The following ITGA8 variants were observed in gnomAD, a reference collection of about 807,000 sequenced individuals.
ITGA8 encodes the protein integrin subunit alpha 8.
ITGA8 carries 91 observed loss-of-function variants against 142.3 expected under a neutral mutation model. The ratio of observed to expected loss-of-function variants is 0.64; its 90% CI spans 0.54 to 0.76. The LOEUF is 0.76. Among genes scored for constraint, ITGA8 ranks in the 30% least tolerant of loss-of-function variants. ITGA8 has a pLI of 0.00. For missense variants in ITGA8, 1,406 were observed against 1,327.7 expected (o/e 1.06, Z -0.92); for synonymous variants, 505 against 485.2 (o/e 1.04, Z -0.54).
At chr10:15,567,702 C>T (rs923339825) in intron 25 of ITGA8, among the ~76,000 whole-genome samples, 1 of 152,158 alleles carries the variant, frequency 6.6e-6, no homozygotes, top group Non-Finnish European at 1.5e-5. Context: ...CCTCAAGGCA[C>T]TTCCATGCCC....
chr10:15,678,931 G>T, intron 4 of ITGA8, 148 bp from the exon 5 acceptor site: 1 of 498,756 alleles, frequency 2.0e-6, no homozygotes, highest in South Asian at 4.1e-5. Flanking sequence ...TTAAAATGTT[G>T]TTCAAGTAAT....
chr10:15,589,246 A>G (rs1043230407), intron 22 of ITGA8, among the ~76,000 whole-genome samples: 9 of 152,120 alleles, frequency 5.9e-5, no homozygotes, highest in Non-Finnish European at 1.3e-4. Flanking sequence ...TATTTCCTGC[A>G]TTCTAACATT....
intron 22 of ITGA8, among the ~76,000 whole-genome samples, chr10:15,591,363 A>G (rs2131595924): frequency 6.7e-6 from 1 of 150,018 alleles, no homozygotes; most frequent in Middle Eastern, 3.5e-3. Flanking sequence ...TACTACACAT[A>G]TTTATACTTA....
intron 2 of ITGA8, among the ~76,000 whole-genome samples, chr10:15,693,300 A>T (rs1834968370): frequency 2.6e-5 from 4 of 152,208 alleles, no homozygotes; most frequent in African/African-American, 9.6e-5. Flanking sequence ...ACATTACAAA[A>T]TAAACTTTTT....
intron 14 of ITGA8, among the ~76,000 whole-genome samples, chr10:15,614,405 G>C (rs1833357002): frequency 6.6e-6 from 1 of 152,046 alleles, no homozygotes; most frequent in South Asian, 2.1e-4. Context: ...TCTATGCCCA[G>C]GCCCTGCCAC....
At chr10:15,708,365 G>T (rs1037906505) in intron 2 of ITGA8, among the ~76,000 whole-genome samples, 1 of 152,146 alleles carries the variant, frequency 6.6e-6, no homozygotes, top group Non-Finnish European at 1.5e-5. Context: ...CACAGGAATA[G>T]AGAAATGAAA....
chr10:15,688,099 T>A, intron 2 of ITGA8, 61 bp from the exon 3 acceptor site: 1 of 1,096,362 alleles, frequency 9.1e-7, no homozygotes, highest in Non-Finnish European at 1.4e-6. Context: ...TTAAAACACA[T>A]AATAAATTTG....
intron 29 of ITGA8, among the ~76,000 whole-genome samples, chr10:15,517,954 G>T (rs1832993954): frequency 6.6e-6 from 1 of 152,226 alleles, no homozygotes. Flanking sequence ...CCTGTCAGCT[G>T]CTTTGGGGTG....
intron 2 of ITGA8, among the ~76,000 whole-genome samples, chr10:15,689,354 GT>G (rs1834890592): frequency 6.6e-6 from 1 of 152,172 alleles, no homozygotes; most frequent in African/African-American, 2.4e-5. Context: ...CAAAAACCCT[GT>G]GAGAATAGAA....
At chr10:15,525,760 T>A (rs1833161952) in intron 28 of ITGA8, among the ~76,000 whole-genome samples, 1 of 151,922 alleles carries the variant, frequency 6.6e-6, no homozygotes, top group African/African-American at 2.4e-5. Flanking sequence ...AAAAGTATTA[T>A]CCTTTCAACA....
intron 8 of ITGA8, among the ~76,000 whole-genome samples, chr10:15,670,762 A>G (rs529887270): frequency 6.6e-6 from 1 of 152,104 alleles, no homozygotes; most frequent in Non-Finnish European, 1.5e-5. Flanking sequence ...TCTCCCCTGC[A>G]CGTTGAATAG....
chr10:15,665,982 A>G (rs1342005514), intron 8 of ITGA8, among the ~76,000 whole-genome samples: 1 of 152,168 alleles, frequency 6.6e-6, no homozygotes, highest in East Asian at 1.9e-4. Flanking sequence ...TTGGTTTAGG[A>G]TTGACTTGGC....
intron 25 of ITGA8, among the ~76,000 whole-genome samples, chr10:15,571,291 G>A (rs1161072608): frequency 6.6e-6 from 1 of 152,180 alleles, no homozygotes; most frequent in Non-Finnish European, 1.5e-5. Context: ...CTCTGTCTTG[G>A]CTGGTGGCGT....
intron 11 of ITGA8, among the ~76,000 whole-genome samples, chr10:15,653,397 G>A (rs906063086): frequency 1.3e-5 from 2 of 152,132 alleles, no homozygotes; most frequent in African/African-American, 4.8e-5. Flanking sequence ...AATTTGAGCA[G>A]AAAGTACAGA....
At position 15,719,612 on chromosome 10, in the gene ITGA8, C is replaced by A. The variant is rs753459604; in HGVS notation, c.160G>T (p.Gly54Cys). Residue 54 changes from glycine to cysteine, a missense_variant, in exon 1 of 30, where the codon GGC becomes TGC. Coordinates refer to ENST00000378076, the MANE Select transcript of ITGA8 (RefSeq NM_003638.3). Reference sequence around the variant, plus strand: ...TCCACGGCGTAGCCGAAGTAGCTGCCCTTGGGGCCGCTGTACACTGTGAGC... The same window carrying A: ...TCCACGGCGTAGCCGAAGTAGCTGCACTTGGGGCCGCTGTACACTGTGAGC... The part of the protein sequence containing the change: ...EKLTVYSGPK[G>C]SYFGYAVDFH... 1.9e-5 allele frequency: 29 copies of A among 1,561,976 alleles called. 2 individuals are homozygous for A. In the South Asian group the frequency reaches 3.0e-4, roughly 16 times the overall value.
At position 15,678,572 on chromosome 10, in the gene ITGA8, A is replaced by G. The variant is rs559047175; in HGVS notation, c.630+150T>C. 29 of 496,304 alleles carry G rather than the reference A, an allele frequency of 5.8e-5. 1 individual carries two copies. In the South Asian group the frequency reaches 1.3e-3, roughly 22 times the overall value. The allele number at this position is 496,304 out of a possible 1,614,324, so 30.7% of individuals were successfully genotyped here. A position where few individuals can be genotyped will look rare whatever the true frequency, so the allele number is the denominator to read the frequency against. On this transcript the variant is annotated intron_variant, in intron 5 of 29. Transcript: ENST00000378076. ...AAAAAGTGAATGGAAAAATTTTTTT[A>G]GAAAGCATTTGCCCAAACAGGCTAG...
chr10:15,614,177 G>C (rs1441277855), intron 14 of ITGA8, among the ~76,000 whole-genome samples: 1 of 152,118 alleles, frequency 6.6e-6, no homozygotes, highest in Non-Finnish European at 1.5e-5. Context: ...CTTGAAGTTT[G>C]CAACTTTTCA....
At chr10:15,623,386 A>T (rs922676894) in intron 13 of ITGA8, among the ~76,000 whole-genome samples, 4 of 151,960 alleles carry the variant, frequency 2.6e-5, no homozygotes, top group African/African-American at 9.7e-5. Context: ...TTAAGCCTTT[A>T]AAAAAAATTA....
intron 6 of ITGA8, among the ~76,000 whole-genome samples, chr10:15,673,024 A>G (rs946214661): frequency 2.6e-5 from 4 of 152,162 alleles, no homozygotes; most frequent in Admixed American, 1.3e-4. Context: ...AGTATCCAAG[A>G]GTGGAGGCCA....
Sources: allele counts gnomAD v4.1 joint callset (sites outside exome capture counted in the v4.1 genomes callset), GRCh38; gene constraint gnomAD v4.1.1; transcripts MANE v1.5; gene names NCBI Gene and HGNC (gene_info 2026-07-23, HGNC 2026-07-21).